Variants in CSMD1 observed in about 807,000 individuals in gnomAD.
The protein encoded by CSMD1 is CUB and sushi domain-containing protein 1.
A neutral mutation model predicts 417.5 loss-of-function variants in CSMD1; 213 were observed. The ratio of observed to expected loss-of-function variants is 0.51; its 90% CI spans 0.46 to 0.57. The LOEUF is 0.57. Among genes scored for constraint, CSMD1 ranks in the 20% least tolerant of loss-of-function variants. The pLI is 0.00. For missense variants in CSMD1, 6,923 were observed against 4,529.7 expected, an observed-to-expected ratio of 1.53 and a Z score of -15.17; for synonymous variants, 2,862 against 1,736.8, an observed-to-expected ratio of 1.65 and a Z score of -16.11.
chr8:3,145,058 T>TGTGTGTGTGTGC (rs61475130), intron 40 of CSMD1, among the ~76,000 whole-genome samples: 2 of 152,046 alleles, frequency 1.3e-5, no homozygotes, highest in Non-Finnish European at 2.9e-5. Flanking sequence ...TGTGTGTGTG[T>TGTGTGTGTGTGC]GCATGCATGC....
intron 11 of CSMD1, among the ~76,000 whole-genome samples, chr8:3,486,813 TC>T (rs1818062277): frequency 6.6e-6 from 1 of 152,122 alleles, no homozygotes; most frequent in Admixed American, 6.5e-5. Flanking sequence ...CTAGCCCAAA[TC>T]CAAAATGCTG....
At chr8:4,694,474 T>G (rs1439081137) in intron 1 of CSMD1, among the ~76,000 whole-genome samples, 1 of 152,008 alleles carries the variant, frequency 6.6e-6, no homozygotes, top group African/African-American at 2.4e-5. Context: ...GCCTCAGCCT[T>G]CCAAGTAGCT....
At chr8:3,758,720 C>A (rs943500604) in intron 5 of CSMD1, among the ~76,000 whole-genome samples, 1 of 152,204 alleles carries the variant, frequency 6.6e-6, no homozygotes, top group Non-Finnish European at 1.5e-5. Context: ...ATCATACCTG[C>A]TACAGACAGA....
At chr8:3,963,862 T>C (rs1812495688) in intron 5 of CSMD1, among the ~76,000 whole-genome samples, 1 of 152,152 alleles carries the variant, frequency 6.6e-6, no homozygotes, top group South Asian at 2.1e-4. Flanking sequence ...GTTTAAGAAA[T>C]GAAGGTATAG....
intron 5 of CSMD1, among the ~76,000 whole-genome samples, chr8:3,991,207 G>C (rs944670747): frequency 3.9e-5 from 6 of 152,170 alleles, no homozygotes; most frequent in Admixed American, 2.0e-4. Flanking sequence ...CCAGGATAAG[G>C]CATGTGAAAG....
At chr8:4,256,723 C>T (rs921082985) in intron 3 of CSMD1, among the ~76,000 whole-genome samples, 3 of 152,078 alleles carry the variant, frequency 2.0e-5, no homozygotes, top group South Asian at 2.1e-4. Context: ...AAGGAAGGCG[C>T]CAGGCACAGT....
chr8:3,341,603 T>C (rs1807658213), intron 23 of CSMD1, among the ~76,000 whole-genome samples: 2 of 151,832 alleles, frequency 1.3e-5, no homozygotes, highest in Admixed American at 1.3e-4. Flanking sequence ...GTGTTGAGAG[T>C]GAGGTCCCAG....
chr8:4,430,533 A>C (rs748999512), intron 2 of CSMD1, among the ~76,000 whole-genome samples: 3 of 152,150 alleles, frequency 2.0e-5, no homozygotes, highest in Non-Finnish European at 4.4e-5. Context: ...ACACTCTGAT[A>C]GACACTACTC....
chr8:3,545,980 T>G (rs1320699762), intron 10 of CSMD1, among the ~76,000 whole-genome samples: 4 of 152,216 alleles, frequency 2.6e-5, no homozygotes. Context: ...AGCCAAACAA[T>G]TAGTCAACAT....
intron 45 of CSMD1, chr8:3,107,256 AT>A: frequency 6.4e-6 from 1 of 156,960 alleles, no homozygotes; most frequent in East Asian, 1.9e-4. Flanking sequence ...GAAATCCTAA[AT>A]ATCATCACTA....
intron 3 of CSMD1, among the ~76,000 whole-genome samples, chr8:4,190,543 CT>C (rs11397580): frequency 4.3e-4 from 63 of 147,860 alleles, no homozygotes; most frequent in African/African-American, 6.2e-4. Flanking sequence ...CACATATAAG[CT>C]TTTTTTTTTT....
intron 5 of CSMD1, among the ~76,000 whole-genome samples, chr8:3,847,002 T>C (rs1029393542): frequency 6.6e-6 from 1 of 152,114 alleles, no homozygotes; most frequent in Non-Finnish European, 1.5e-5. Flanking sequence ...AATATGAATT[T>C]TCCAGATCCA....
At chr8:3,302,158 A>C (rs1223228717) in intron 25 of CSMD1, among the ~76,000 whole-genome samples, 1 of 152,164 alleles carries the variant, frequency 6.6e-6, no homozygotes, top group African/African-American at 2.4e-5. Flanking sequence ...ATGATGAAAT[A>C]ATGATGAAAT....
At chr8:3,268,104 A>G (rs994320294) in intron 26 of CSMD1, among the ~76,000 whole-genome samples, 2 of 151,976 alleles carry the variant, frequency 1.3e-5, no homozygotes, top group Non-Finnish European at 2.9e-5. Flanking sequence ...TCAGGGCACA[A>G]TAGGAAGAGA....
chr8:3,787,040 G>C (rs1242391483), intron 5 of CSMD1, among the ~76,000 whole-genome samples: 2 of 152,178 alleles, frequency 1.3e-5, no homozygotes, highest in East Asian at 1.9e-4. Flanking sequence ...ACTTCTATGT[G>C]TGAAGTGTCA....
chr8:3,529,801 C>T (rs1797902600), intron 10 of CSMD1, among the ~76,000 whole-genome samples: 1 of 152,138 alleles, frequency 6.6e-6, no homozygotes, highest in Non-Finnish European at 1.5e-5. Context: ...AGCAATCCCT[C>T]CTGGAATTTT....
chr8:4,682,367 T>G lies in CSMD1; in HGVS notation c.86-44809A>C, dbSNP rs544986273. ...TTTTTTGATTAGTCAGAATGCTGTA[T>G]TTAAATTACTTGTTGTGTATCTGTG... On this transcript the variant is annotated intron_variant, in intron 1 of 69. Coordinates refer to ENST00000635120, the MANE Select transcript of CSMD1 (RefSeq NM_033225.6). Among the ~76,000 whole-genome samples, 3 of 152,322 alleles carry G rather than the reference T, an allele frequency of 2.0e-5. No individual in the cohort carries two copies. The South Asian group carries it at 6.2e-4, about 32-fold the overall frequency.
chr8:3,852,575 G>C (rs1267497857), intron 5 of CSMD1, among the ~76,000 whole-genome samples: 1 of 152,150 alleles, frequency 6.6e-6, no homozygotes, highest in African/African-American at 2.4e-5. Flanking sequence ...GGATGGAGTA[G>C]AGGACTTACT....
intron 11 of CSMD1, among the ~76,000 whole-genome samples, chr8:3,492,273 T>G (rs187952125): frequency 3.3e-5 from 5 of 152,194 alleles, no homozygotes; most frequent in Non-Finnish European, 7.4e-5. Context: ...TCTCAGAGCA[T>G]AAAGACATGA....
Sources: allele counts gnomAD v4.1 joint callset (sites outside exome capture counted in the v4.1 genomes callset), GRCh38; gene constraint gnomAD v4.1.1; transcripts MANE v1.5; gene names NCBI Gene and HGNC (gene_info 2026-07-23, HGNC 2026-07-21).